Variants in PLCB1 observed in about 807,000 individuals in gnomAD.
PLCB1 encodes the protein 1-phosphatidylinositol 4,5-bisphosphate phosphodiesterase beta-1.
PLCB1 carries 46 observed loss-of-function variants against 161.8 expected under a neutral mutation model. The observed-to-expected ratio is 0.28, with a 90% confidence interval of 0.22 to 0.36. The LOEUF is 0.36. PLCB1 is among the 10% of genes least tolerant of loss of function. PLCB1 has a pLI of 1.00. For synonymous variants in PLCB1, 517 were observed against 503.7 expected (o/e 1.03, Z -0.35); for missense variants, 1,016 against 1,472.5 (o/e 0.69, Z 5.07).
chr20:8,175,844 A>G (rs896082725), intron 2 of PLCB1, among the ~76,000 whole-genome samples: 2 of 152,138 alleles, frequency 1.3e-5, no homozygotes, highest in Non-Finnish European at 2.9e-5. Context: ...AAACCAAACA[A>G]TCCATTTAGA....
intron 2 of PLCB1, among the ~76,000 whole-genome samples, chr20:8,250,384 C>A (rs1354469788): frequency 2.6e-5 from 4 of 151,772 alleles, no homozygotes; most frequent in Non-Finnish European, 4.4e-5. Context: ...CCTGTATTGT[C>A]TATGTTACAA....
chr20:8,415,347 A>T (rs768284780), intron 3 of PLCB1, among the ~76,000 whole-genome samples: 1 of 152,218 alleles, frequency 6.6e-6, no homozygotes, highest in Non-Finnish European at 1.5e-5. Flanking sequence ...AAAAATTATC[A>T]TTAAAAAGTT....
intron 11 of PLCB1, among the ~76,000 whole-genome samples, chr20:8,700,322 T>C (rs1990670045): frequency 6.6e-6 from 1 of 152,234 alleles, no homozygotes; most frequent in Non-Finnish European, 1.5e-5. Context: ...TCCTCCAAGT[T>C]CTCTGAGTTC....
intron 4 of PLCB1, among the ~76,000 whole-genome samples, chr20:8,629,481 A>G (rs538841311): frequency 6.6e-6 from 1 of 152,352 alleles, no homozygotes; most frequent in South Asian, 2.1e-4. Context: ...TGTCATTGAA[A>G]GAATACTGAA....
At chr20:8,455,434 T>C (rs796414867) in intron 3 of PLCB1, among the ~76,000 whole-genome samples, 4 of 45,578 alleles carry the variant, frequency 8.8e-5, no homozygotes, top group African/African-American at 3.6e-4. Context: ...TTCTTCCTCT[T>C]TTTTTTTTTT....
chr20:8,504,570 AC>A (rs1398088310), intron 3 of PLCB1, among the ~76,000 whole-genome samples: 1 of 151,908 alleles, frequency 6.6e-6, no homozygotes, highest in Non-Finnish European at 1.5e-5. Flanking sequence ...GTATGCTTTA[AC>A]CCCCTGCCCC....
chr20:8,377,243 G>C (rs1987117532), intron 3 of PLCB1, among the ~76,000 whole-genome samples: 6 of 152,174 alleles, frequency 3.9e-5, no homozygotes, highest in African/African-American at 1.2e-4. Flanking sequence ...GTCTTGATAG[G>C]AGGCAGTTAT....
At chr20:8,714,865 A>G (rs964904676) in intron 12 of PLCB1, among the ~76,000 whole-genome samples, 2 of 152,192 alleles carry the variant, frequency 1.3e-5, no homozygotes, top group Admixed American at 1.3e-4. Flanking sequence ...AAAAGAAAAA[A>G]ATGAATACAA....
chr20:8,140,688 A>G (rs1350893747), intron 1 of PLCB1, among the ~76,000 whole-genome samples: 12 of 152,238 alleles, frequency 7.9e-5, no homozygotes, highest in Admixed American at 7.8e-4. Flanking sequence ...GATCTGGAAT[A>G]GGAATTTAAA....
chr20:8,738,192 A>G (rs774074914), intron 20 of PLCB1, among the ~76,000 whole-genome samples: 17 of 152,196 alleles, frequency 1.1e-4, no homozygotes, highest in African/African-American at 3.6e-4. Flanking sequence ...CTTGTTTTTC[A>G]GTGGTGGTTG....
At chr20:8,653,030 T>C (rs1208483965) in intron 7 of PLCB1, 1 of 152,040 alleles carries the variant, frequency 6.6e-6, no homozygotes, top group Non-Finnish European at 1.5e-5. Context: ...AATAGTTTAT[T>C]TGCACCAAAT....
intron 4 of PLCB1, among the ~76,000 whole-genome samples, chr20:8,632,034 G>GTTTTTTTTTTTT (rs750797408): frequency 4.9e-5 from 4 of 81,746 alleles, no homozygotes; most frequent in Admixed American, 1.2e-4. Context: ...GGTTTTTTTT[G>GTTTTTTTTTTTT]CTTTTTTTTT....
At position 8,701,262 on chromosome 20, in the gene PLCB1, C is replaced by T. The variant is rs1200619335; in HGVS notation, c.1167+3479C>T. Among the ~76,000 whole-genome samples the T allele has an allele frequency of 2.0e-5, 3 of 152,124 alleles. No individual in the cohort carries two copies. In the East Asian group the frequency reaches 5.8e-4, roughly 29 times the overall value. On this transcript the variant is annotated intron_variant, in intron 11 of 31. Transcript: ENST00000338037. ...CATTACCTTGTTTCTTACTGCTTTC[C>T]CCCTCATCCACTGGGCTCCAACAGT...
chr20:8,231,137 A>G (rs1229073649), intron 2 of PLCB1, among the ~76,000 whole-genome samples: 1 of 152,118 alleles, frequency 6.6e-6, no homozygotes, highest in African/African-American at 2.4e-5. Context: ...CACAATTTAG[A>G]TTGTCCCCTT....
At chr20:8,379,561 C>T (rs924442984) in intron 3 of PLCB1, among the ~76,000 whole-genome samples, 18 of 152,186 alleles carry the variant, frequency 1.2e-4, no homozygotes, top group Middle Eastern at 3.2e-3. Context: ...AATTTACATT[C>T]CCACCAACAG....
rs905326137 is a variant in PLCB1 at position 8,541,379 on chromosome 20, G to A, written c.247-86915G>A. ...GTAACATAGTAGAAAAAAATACTTC[G>A]AGATAACTTGCAAAGAGGAGTTGTC... On this transcript the variant is annotated intron_variant, in intron 3 of 31. Coordinates refer to ENST00000338037, the MANE Select transcript of PLCB1 (RefSeq NM_015192.4). 5.1e-4 allele frequency among the ~76,000 whole-genome samples: 77 copies of A among 152,054 alleles called. 2 individuals are homozygous for A. Among genetic ancestry groups the A allele is most frequent in the Admixed American group, 4.3e-3 (65 of 15,266 alleles).
chr20:8,143,899 T>C (rs573654213), intron 1 of PLCB1, among the ~76,000 whole-genome samples: 1 of 152,304 alleles, frequency 6.6e-6, no homozygotes, highest in South Asian at 2.1e-4. Context: ...CCCAGTAGTT[T>C]TTTGTTGTGG....
intron 3 of PLCB1, among the ~76,000 whole-genome samples, chr20:8,387,681 A>T (rs1404450768): frequency 6.6e-6 from 1 of 152,062 alleles, no homozygotes; most frequent in Admixed American, 6.6e-5. Flanking sequence ...ACAACAAAAA[A>T]CCCCCACAAT....
chr20:8,751,626 A>T (rs915559909), intron 23 of PLCB1: 4 of 152,182 alleles, frequency 2.6e-5, no homozygotes, highest in Non-Finnish European at 5.9e-5. Context: ...AGAAAAAGAT[A>T]TTGCAATGAT....
Sources: gnomAD v4.1 joint callset for allele counts (sites outside exome capture counted in the v4.1 genomes callset) on GRCh38, gnomAD v4.1.1 for gene constraint, MANE v1.5 for transcripts, NCBI Gene and HGNC (gene_info 2026-07-23, HGNC 2026-07-21) for gene names.